Variants in COPG2 observed in about 807,000 individuals in gnomAD.
The protein encoded by COPG2 is coat protein complex I subunit gamma 2.
In COPG2, 37 loss-of-function variants were observed where a neutral mutation model predicts 46.3. That is an observed-to-expected ratio of 0.80 (90% CI 0.61 to 1.05). The LOEUF (loss-of-function observed/expected upper bound fraction) is 1.05. Ranked by LOEUF, COPG2 falls within the 50% of genes least tolerant of loss-of-function variation. The probability of loss-of-function intolerance (pLI) is 0.00; values close to 1 mark genes in which losing one functional copy is unlikely to be tolerated. For synonymous variants in COPG2, 159 were observed against 129.7 expected, an observed-to-expected ratio of 1.23 and a Z score of -1.53; for missense variants, 427 against 387.8, an observed-to-expected ratio of 1.10 and a Z score of -0.85.
At chr7:130,513,750 G>A (rs1382975869) in intron 20 of COPG2, among the ~76,000 whole-genome samples, 3 of 152,292 alleles carry the variant, frequency 2.0e-5, no homozygotes, top group East Asian at 3.9e-4. Flanking sequence ...AGAGTAGTGT[G>A]GAGGTGACGA....
Position 130,662,847 on chromosome 7 carries a change from A to G in COPG2, c.243+120T>C, listed in dbSNP as rs3909555. 8.6e-3 allele frequency: 5,717 copies of G among 664,128 alleles called. 138 individuals carry two copies. The highest frequency in any genetic ancestry group is 0.065 in the African/African-American group (3,512 of 53,696). The allele number at this position is 664,128 out of a possible 1,614,324, so 41.1% of individuals were successfully genotyped here. A position where few individuals can be genotyped will look rare whatever the true frequency, so the allele number is the denominator to read the frequency against. ...ATAATGAATATTTATAAGTTTTATA[A>G]GCAGTTAAATAATTTAAAACATTTC... On this transcript the variant is annotated intron_variant, in intron 4 of 23. Transcript: ENST00000425248.
intron 12 of COPG2, among the ~76,000 whole-genome samples, chr7:130,558,763 GC>G (rs1311264332): frequency 6.6e-6 from 1 of 152,026 alleles, no homozygotes; most frequent in African/African-American, 2.4e-5. Flanking sequence ...CTCAAGCGAT[GC>G]CCCTGCCTTG....
intron 20 of COPG2, among the ~76,000 whole-genome samples, chr7:130,521,291 G>A (rs1309169800): frequency 6.6e-6 from 1 of 152,146 alleles, no homozygotes; most frequent in East Asian, 1.9e-4. Context: ...AAAGTGCAAC[G>A]GACAGAAAGA....
chr7:130,507,841 G>A lies in COPG2; in HGVS notation c.2248-18C>T, dbSNP rs782226140. 14 of 778,998 alleles carry A rather than the reference G, an allele frequency of 1.8e-5. No homozygotes were observed. In the East Asian group the frequency reaches 2.2e-4, roughly 12 times the overall value. 48.3% of individuals were successfully genotyped at this position (778,998 alleles called of 1,614,324 possible). A position where few individuals can be genotyped will look rare whatever the true frequency, so the allele number is the denominator to read the frequency against. ...TCTTCCAGCTAGTGGGTAATAAGCA[G>A]TCAGTAAAGAAAAGTCCTTTCTGTT... is the stretch of plus-strand genomic sequence containing the variant. On this transcript the variant is annotated intron_variant, in intron 21 of 23. Transcript: ENST00000425248.
intron 9 of COPG2, among the ~76,000 whole-genome samples, chr7:130,601,596 A>G (rs1584568130): frequency 6.6e-6 from 1 of 152,276 alleles, no homozygotes. Context: ...GTTCTCACTC[A>G]TAAGTGGGAG....
At chr7:130,547,935 C>A (rs1442573584) in intron 19 of COPG2, 90 bp from the exon 20 acceptor site, 1 of 397,914 alleles carries the variant, frequency 2.5e-6, no homozygotes, top group East Asian at 3.6e-5. Context: ...ACCCACTATA[C>A]CTTCTATCTC....
intron 9 of COPG2, among the ~76,000 whole-genome samples, chr7:130,592,593 A>C (rs1265216116): frequency 2.0e-5 from 3 of 152,190 alleles, no homozygotes; most frequent in African/African-American, 7.2e-5. Context: ...GAATAAAAAG[A>C]ACTTTTATGA....
chr7:130,508,601 A>G lies in COPG2; in HGVS notation c.2208T>C (p.Thr736=). The G allele has an allele frequency of 1.3e-6, 1 of 777,354 alleles. No individual in the cohort carries two copies. Among genetic ancestry groups the G allele is most frequent in the African/African-American group, 1.7e-5 (1 of 59,238 alleles). 48.2% of individuals were successfully genotyped at this position (777,354 alleles called of 1,614,324 possible). The change falls in exon 21 of 24, where the codon ACT becomes ACC. Residue 736 remains threonine, a synonymous_variant. Transcript: ENST00000425248. ...CATACCCATCCTCATCTGGAACTCC[A>G]GTGTTAGGGTCACAGTCCCGGACTG... The part of the protein sequence containing the change: ...KFTVRDCDPN[T]GVPDEDGYDD...
chr7:130,591,955 GA>G (rs1306533485), intron 9 of COPG2, among the ~76,000 whole-genome samples: 3 of 152,226 alleles, frequency 2.0e-5, no homozygotes, highest in Admixed American at 6.5e-5. Flanking sequence ...TTGTGGAATA[GA>G]AAGGGGGGAA....
At chr7:130,589,469 G>C (rs1379469172) in intron 9 of COPG2, among the ~76,000 whole-genome samples, 1 of 151,904 alleles carries the variant, frequency 6.6e-6, no homozygotes, top group Non-Finnish European at 1.5e-5. Context: ...AAAAAATTTA[G>C]AGACAGGGTC....
Position 130,574,125 on chromosome 7 carries a change from G to A in COPG2, c.738-9732C>T, listed in dbSNP as rs144107151. Among the ~76,000 whole-genome samples the A allele has an allele frequency of 9.9e-3, 1,501 of 152,244 alleles. 23 individuals carry two copies. The highest frequency in any genetic ancestry group is 0.034 in the African/African-American group (1,424 of 41,542). On this transcript the variant is annotated intron_variant, in intron 9 of 23. Coordinates refer to ENST00000425248, the MANE Select transcript of COPG2 (RefSeq NM_012133.6). Reference sequence around the variant, plus strand: ...CCATCAACTAATGAAAAAACCAAGTGCCCATCAATTAATGAACAAGTAAAC... The same window carrying A: ...CCATCAACTAATGAAAAAACCAAGTACCCATCAATTAATGAACAAGTAAAC...
chr7:130,514,484 G>A (rs1554441444), intron 20 of COPG2, among the ~76,000 whole-genome samples: 1 of 152,204 alleles, frequency 6.6e-6, no homozygotes, highest in Non-Finnish European at 1.5e-5. Context: ...ACTCTGTCAT[G>A]TGAAGATTTT....
chr7:130,612,684 G>A (rs186827103), intron 7 of COPG2, among the ~76,000 whole-genome samples: 3 of 152,256 alleles, frequency 2.0e-5, no homozygotes, highest in East Asian at 1.9e-4. Context: ...GGTAACTGAC[G>A]TTAATCAAAT....
At chr7:130,558,988 T>C (rs1335972560) in intron 12 of COPG2, among the ~76,000 whole-genome samples, 7 of 152,154 alleles carry the variant, frequency 4.6e-5, no homozygotes, top group Non-Finnish European at 1.0e-4. Context: ...TACTCTAAAA[T>C]TTGAAGGGAA....
In COPG2 at chr7:130,646,958, C is replaced by T. The variant is rs578035135; in HGVS notation, c.323+5911G>A. 1.0e-3 allele frequency among the ~76,000 whole-genome samples: 137 copies of T among 137,144 alleles called. 1 individual carries two copies. The highest frequency in any genetic ancestry group is 3.6e-3 in the African/African-American group (126 of 35,052). 90.0% of individuals were successfully genotyped at this position (137,144 alleles called of 152,430 possible). Reference sequence around the variant, plus strand: ...ATATATATACGTATATATATATATGCATATATATATGTGTATATATATATG... The same window carrying T: ...ATATATATACGTATATATATATATGTATATATATATGTGTATATATATATG... On this transcript the variant is annotated intron_variant, in intron 5 of 23. Coordinates refer to ENST00000425248, the MANE Select transcript of COPG2 (RefSeq NM_012133.6).
chr7:130,544,546 A>G (rs890930336), intron 20 of COPG2, among the ~76,000 whole-genome samples: 1 of 152,208 alleles, frequency 6.6e-6, no homozygotes, highest in Non-Finnish European at 1.5e-5. Flanking sequence ...ATATGATGCA[A>G]TAAAACCTGA....
chr7:130,513,306 A>T (rs1335292457), intron 20 of COPG2, among the ~76,000 whole-genome samples: 2,630 of 48,562 alleles, frequency 0.054, 158 homozygotes, highest in African/African-American at 0.12. Context: ...AAAAAAAAAA[A>T]AAATATATAT....
chr7:130,659,076 C>A (rs1795916253), intron 4 of COPG2, among the ~76,000 whole-genome samples: 1 of 152,006 alleles, frequency 6.6e-6, no homozygotes. Flanking sequence ...TATGCTTAGG[C>A]CGGGCGCGGT....
At chr7:130,652,182 T>C (rs1554459225) in intron 5 of COPG2, among the ~76,000 whole-genome samples, 1 of 152,246 alleles carries the variant, frequency 6.6e-6, no homozygotes, top group Non-Finnish European at 1.5e-5. Context: ...TCAATATATA[T>C]AAGTTTTTCT....
Sources: allele counts gnomAD v4.1 joint callset (sites outside exome capture counted in the v4.1 genomes callset), GRCh38; gene constraint gnomAD v4.1.1; transcripts MANE v1.5; gene names NCBI Gene and HGNC (gene_info 2026-07-23, HGNC 2026-07-21).